MAGI1: variants seen among roughly 807,000 people sequenced by gnomAD.
The protein encoded by MAGI1 is membrane associated guanylate kinase, WW and PDZ domain containing 1.
MAGI1 carries 58 observed loss-of-function variants against 139.9 expected under a neutral mutation model. The ratio of observed to expected loss-of-function variants is 0.41; its 90% confidence interval spans 0.34 to 0.52. The LOEUF (loss-of-function observed/expected upper bound fraction) is 0.52, where lower values mean the gene tolerates loss of function less well. Among genes scored for constraint, MAGI1 ranks in the 20% least tolerant of loss-of-function variants. MAGI1 has a pLI of 0.12. For synonymous variants in MAGI1, 812 were observed against 737.9 expected, an observed-to-expected ratio of 1.10 and a Z score of -1.63; for missense variants, 1,874 against 1,901.6, an observed-to-expected ratio of 0.99 and a Z score of 0.27.
At chr3:65,428,139 T>A (rs933702057) in intron 12 of MAGI1, among the ~76,000 whole-genome samples, 1 of 152,110 alleles carries the variant, frequency 6.6e-6, no homozygotes, top group African/African-American at 2.4e-5. Flanking sequence ...CATGAAAACA[T>A]GAGAATCTGG....
At chr3:65,643,796 C>T (rs138158366) in intron 1 of MAGI1, among the ~76,000 whole-genome samples, 45 of 152,288 alleles carry the variant, frequency 3.0e-4, no homozygotes, top group African/African-American at 1.0e-3. Context: ...AAAGACTATA[C>T]TTCCACCACC....
intron 12 of MAGI1, among the ~76,000 whole-genome samples, chr3:65,420,248 C>T (rs1946545880): frequency 6.6e-6 from 1 of 152,138 alleles, no homozygotes; most frequent in Admixed American, 6.5e-5. Context: ...TCCCCATCCC[C>T]TGCTCCCCTT....
chr3:65,809,181 C>T (rs1237687794), intron 1 of MAGI1, among the ~76,000 whole-genome samples: 1 of 152,202 alleles, frequency 6.6e-6, no homozygotes, highest in Non-Finnish European at 1.5e-5. Context: ...AGGTTTCACA[C>T]AGCATTCCCA....
intron 22 of MAGI1, chr3:65,359,534 G>A (rs1049340044): frequency 4.5e-5 from 30 of 671,190 alleles, no homozygotes; most frequent in East Asian, 3.6e-4. Flanking sequence ...ACCAAAGACC[G>A]CGGCAGTTAA....
intron 1 of MAGI1, among the ~76,000 whole-genome samples, chr3:65,748,717 G>A (rs1185641697): frequency 6.6e-6 from 1 of 152,158 alleles, no homozygotes; most frequent in Admixed American, 6.5e-5. Flanking sequence ...TGTAATAAGA[G>A]AGATAAAGAA....
intron 1 of MAGI1, among the ~76,000 whole-genome samples, chr3:65,641,639 G>A (rs1442563126): frequency 6.6e-6 from 1 of 152,100 alleles, no homozygotes; most frequent in African/African-American, 2.4e-5. Flanking sequence ...TGCAGAGAGT[G>A]GTACGGGAGT....
intron 1 of MAGI1, among the ~76,000 whole-genome samples, chr3:65,928,100 G>A (rs2062612085): frequency 6.6e-6 from 1 of 151,774 alleles, no homozygotes; most frequent in Admixed American, 6.6e-5. Flanking sequence ...TTTATTTTCG[G>A]CCCCACTCCA....
At chr3:65,446,743 G>A (rs574707968) in intron 7 of MAGI1, among the ~76,000 whole-genome samples, 2 of 151,928 alleles carry the variant, frequency 1.3e-5, no homozygotes, top group South Asian at 2.1e-4. Flanking sequence ...TTCTTTTTTT[G>A]ATCAAATTAG....
At chr3:65,937,364 C>T (rs772418831) in intron 1 of MAGI1, among the ~76,000 whole-genome samples, 1 of 152,136 alleles carries the variant, frequency 6.6e-6, no homozygotes, top group Non-Finnish European at 1.5e-5. Context: ...TTTGAATGGC[C>T]GTGCTCAGTG....
intron 1 of MAGI1, among the ~76,000 whole-genome samples, chr3:65,795,694 G>GATACACAC (rs1553708455): frequency 3.2e-5 from 2 of 62,486 alleles, no homozygotes; most frequent in Non-Finnish European, 6.6e-5. Context: ...AAGATGATAA[G>GATACACAC]ATACACACAC....
chr3:66,028,794 G>A lies in MAGI1; in HGVS notation c.313+9202C>T, dbSNP rs560171149. Among the ~76,000 whole-genome samples the A allele has an allele frequency of 4.2e-4, 64 of 152,146 alleles. 1 individual carries two copies. In the South Asian group the frequency reaches 0.012, roughly 30 times the overall value. Reference sequence around the variant, plus strand: ...CTTCCTACTTGTCTGAACTAATCCAGTCTCAGCCTTTCAAAAAGGCAGCAT... The same window carrying A: ...CTTCCTACTTGTCTGAACTAATCCAATCTCAGCCTTTCAAAAAGGCAGCAT... On this transcript the variant is annotated intron_variant, in intron 1 of 22. Coordinates refer to ENST00000402939, the MANE Select transcript of MAGI1 (RefSeq NM_001033057.2).
rs546642299 is a variant in MAGI1 at position 65,780,119 on chromosome 3, C to T, written c.314-158031G>A. Among the ~76,000 whole-genome samples the T allele has an allele frequency of 4.6e-5, 7 of 152,032 alleles. No individual in the cohort carries two copies. In the South Asian group the frequency reaches 1.2e-3, roughly 27 times the overall value. ...CTCACTGCAGCCTGGACATTGTGGG[C>T]TCAGGTGATCCTCCCACCTCAGCCT... On this transcript the variant is annotated intron_variant, in intron 1 of 22. Transcript: ENST00000402939.
chr3:65,691,716 G>A (rs1176760868), intron 1 of MAGI1, among the ~76,000 whole-genome samples: 3 of 152,052 alleles, frequency 2.0e-5, no homozygotes, highest in Non-Finnish European at 4.4e-5. Flanking sequence ...CTACCTCAGC[G>A]TGAATCAAAA....
chr3:65,500,844 A>G (rs2077053220), intron 2 of MAGI1, among the ~76,000 whole-genome samples: 1 of 152,234 alleles, frequency 6.6e-6, no homozygotes, highest in South Asian at 2.1e-4. Context: ...AAATCTAACA[A>G]GACTTCAAAA....
chr3:65,386,780 T>G (rs988928630), intron 14 of MAGI1, among the ~76,000 whole-genome samples: 2 of 152,236 alleles, frequency 1.3e-5, no homozygotes, highest in African/African-American at 4.8e-5. Flanking sequence ...CCCCTGCATA[T>G]GAACAGTTTC....
chr3:65,484,051 A>T (rs1399779768), intron 3 of MAGI1, among the ~76,000 whole-genome samples: 1 of 152,188 alleles, frequency 6.6e-6, no homozygotes, highest in Admixed American at 6.5e-5. Context: ...GGGAAATACA[A>T]AGTAAAAATT....
At chr3:65,785,246 T>C (rs1035600253) in intron 1 of MAGI1, among the ~76,000 whole-genome samples, 3 of 152,180 alleles carry the variant, frequency 2.0e-5, no homozygotes, top group Non-Finnish European at 4.4e-5. Context: ...GAGAAGCATA[T>C]ATAACCACAA....
intron 1 of MAGI1, among the ~76,000 whole-genome samples, chr3:65,997,212 C>T (rs1276797784): frequency 6.6e-6 from 1 of 152,130 alleles, no homozygotes; most frequent in East Asian, 1.9e-4. Flanking sequence ...CCCTGACCAC[C>T]AGCAGCACTG....
chr3:65,732,243 A>G (rs2034267088), intron 1 of MAGI1, among the ~76,000 whole-genome samples: 1 of 152,254 alleles, frequency 6.6e-6, no homozygotes, highest in Admixed American at 6.5e-5. Context: ...CTCTGCACTT[A>G]GGTAAAACAC....
Sources: allele counts gnomAD v4.1 joint callset (sites outside exome capture counted in the v4.1 genomes callset), GRCh38; gene constraint gnomAD v4.1.1; transcripts MANE v1.5; gene names NCBI Gene and HGNC (gene_info 2026-07-23, HGNC 2026-07-21).